NUMB: variants seen among roughly 807,000 people sequenced by gnomAD.
NUMB encodes protein numb homolog.
NUMB carries 29 observed loss-of-function variants against 59.7 expected under a neutral mutation model. The ratio of observed to expected loss-of-function variants is 0.49; its 90% confidence interval spans 0.36 to 0.66. The LOEUF (loss-of-function observed/expected upper bound fraction) is 0.66. NUMB is among the 30% of genes least tolerant of loss of function. The pLI is 0.00. For synonymous variants in NUMB, 288 were observed against 288.2 expected (o/e 1.00, Z 0.01); for missense variants, 723 against 822.0 (o/e 0.88, Z 1.47).
intron 6 of NUMB, among the ~76,000 whole-genome samples, chr14:73,310,748 T>C (rs1443957164): frequency 6.6e-6 from 1 of 152,000 alleles, no homozygotes; most frequent in Non-Finnish European, 1.5e-5. Flanking sequence ...CATAATAAAC[T>C]ATAAAGCTCT....
At position 73,290,103 on chromosome 14, in the gene NUMB, C is replaced by T. The variant is rs182906626; in HGVS notation, c.450+2631G>A. ...GGCCTAGGAGATTCAAACAGGCTGC[C>T]GGGCCACTATTTGACAACAAAATGG... On this transcript the variant is annotated intron_variant, in intron 8 of 12. Coordinates refer to ENST00000555238, the MANE Select transcript of NUMB (RefSeq NM_001005743.2). Among the ~76,000 whole-genome samples the T allele has an allele frequency of 6.6e-5, 10 of 152,258 alleles. No individual in the cohort carries two copies. The East Asian group carries it at 1.2e-3, about 18-fold the overall frequency.
intron 7 of NUMB, among the ~76,000 whole-genome samples, chr14:73,294,709 G>C (rs1889638961): frequency 6.7e-6 from 1 of 149,114 alleles, no homozygotes; most frequent in Non-Finnish European, 1.5e-5. Flanking sequence ...AGGAGAGACA[G>C]GGTTTCAGCA....
At chr14:73,447,404 C>A (rs1883597573) in intron 1 of NUMB, among the ~76,000 whole-genome samples, 1 of 152,098 alleles carries the variant, frequency 6.6e-6, no homozygotes, top group Admixed American at 6.6e-5. Context: ...AGAAGAGTCA[C>A]TTGAACCCAA....
chr14:73,446,731 C>T (rs1313732342), intron 1 of NUMB, among the ~76,000 whole-genome samples: 1 of 151,472 alleles, frequency 6.6e-6, no homozygotes, highest in Non-Finnish European at 1.5e-5. Context: ...AGACTAGCCT[C>T]GGCAGCATAA....
chr14:73,439,025 T>C (rs576488523), intron 1 of NUMB, among the ~76,000 whole-genome samples: 1 of 152,180 alleles, frequency 6.6e-6, no homozygotes, highest in Non-Finnish European at 1.5e-5. Flanking sequence ...TTAACAAATC[T>C]ATAATCAAGA....
At chr14:73,389,092 C>A (rs374174240) in intron 2 of NUMB, among the ~76,000 whole-genome samples, 1 of 105,330 alleles carries the variant, frequency 9.5e-6, no homozygotes, top group Non-Finnish European at 1.8e-5. Flanking sequence ...GAGCAAGACT[C>A]TGCCTTAAAA....
chr14:73,380,891 ATTTTTG>A (rs1488136848), intron 2 of NUMB, among the ~76,000 whole-genome samples: 1 of 151,944 alleles, frequency 6.6e-6, no homozygotes, highest in Non-Finnish European at 1.5e-5. Context: ...CACCCAGCTA[ATTTTTG>A]TATTTAGTAG....
intron 2 of NUMB, among the ~76,000 whole-genome samples, chr14:73,398,653 C>T (rs1896266617): frequency 6.6e-6 from 1 of 151,840 alleles, no homozygotes; most frequent in Non-Finnish European, 1.5e-5. Flanking sequence ...TGCCCAACCT[C>T]ACAATCAATC....
intron 2 of NUMB, among the ~76,000 whole-genome samples, chr14:73,377,410 G>A (rs974712616): frequency 1.3e-5 from 2 of 152,160 alleles, no homozygotes; most frequent in Non-Finnish European, 2.9e-5. Flanking sequence ...GCCAAGGGGG[G>A]CAGGCAGATC....
chr14:73,418,644 G>A (rs1358938412), intron 1 of NUMB, among the ~76,000 whole-genome samples: 1 of 151,994 alleles, frequency 6.6e-6, no homozygotes, highest in Admixed American at 6.6e-5. Context: ...GGTGGCACAT[G>A]CCTGTAATCC....
In NUMB at chr14:73,389,272, C is replaced by CAAAAAAAAAA. The variant is rs869074049; in HGVS notation, c.-101+20655_-101+20664dup. ...GGTTACAGAGCGAGACTCCATCTCT[C>CAAAAAAAAAA]AAAAAAAAAAAAAAAAAAAAACAAA... On this transcript the variant is annotated intron_variant, in intron 2 of 12. Transcript: ENST00000555238. 1.1e-3 allele frequency among the ~76,000 whole-genome samples: 73 copies of CAAAAAAAAAA among 66,434 alleles called. 2 individuals are homozygous for CAAAAAAAAAA. Among genetic ancestry groups the CAAAAAAAAAA allele is most frequent in the Middle Eastern group, 7.4e-3 (1 of 136 alleles). 43.6% of individuals were successfully genotyped at this position (66,434 alleles called of 152,430 possible). A position where few individuals can be genotyped will look rare whatever the true frequency, so the allele number is the denominator to read the frequency against.
chr14:73,355,066 T>C (rs1324345451), intron 4 of NUMB, among the ~76,000 whole-genome samples: 1 of 152,134 alleles, frequency 6.6e-6, no homozygotes, highest in East Asian at 1.9e-4. Context: ...TCTCAGGCAA[T>C]ACAAAGAAAA....
chr14:73,349,854 G>T (rs1478565815), intron 4 of NUMB, among the ~76,000 whole-genome samples: 1 of 151,598 alleles, frequency 6.6e-6, no homozygotes, highest in Non-Finnish European at 1.5e-5. Context: ...ACTCCAGCCT[G>T]GGGGACAGAG....
At chr14:73,436,776 C>A (rs1356678132) in intron 1 of NUMB, among the ~76,000 whole-genome samples, 3 of 151,540 alleles carry the variant, frequency 2.0e-5, no homozygotes, top group Non-Finnish European at 2.9e-5. Flanking sequence ...GTCAAGAGAT[C>A]AAGACCATCC....
At chr14:73,298,911 C>G (rs888054650) in intron 6 of NUMB, 1 of 152,024 alleles carries the variant, frequency 6.6e-6, no homozygotes, top group Admixed American at 6.6e-5. Context: ...TAAAGAATAC[C>G]GTAGGTAAAT....
At chr14:73,387,946 C>CT (rs1895637387) in intron 2 of NUMB, among the ~76,000 whole-genome samples, 1 of 127,976 alleles carries the variant, frequency 7.8e-6, no homozygotes, top group Admixed American at 8.4e-5. Flanking sequence ...AAGCAAGACT[C>CT]TGTCTCTACC....
intron 6 of NUMB, among the ~76,000 whole-genome samples, chr14:73,307,726 G>GTTT (rs1890536016): frequency 8.1e-6 from 1 of 124,082 alleles, no homozygotes. Context: ...TCGGGCCTCT[G>GTTT]TCTTTTTTTT....
At chr14:73,344,092 G>A (rs1386741807) in intron 4 of NUMB, among the ~76,000 whole-genome samples, 1 of 151,964 alleles carries the variant, frequency 6.6e-6, no homozygotes, top group Admixed American at 6.6e-5. Flanking sequence ...TAACCTAAGA[G>A]TATTACCAAC....
At chr14:73,420,876 G>GA in intron 1 of NUMB, among the ~76,000 whole-genome samples, 1 of 151,906 alleles carries the variant, frequency 6.6e-6, no homozygotes, top group East Asian at 1.9e-4. Context: ...CCTGTCTCAA[G>GA]AAAAAACACA....
Sources: allele counts gnomAD v4.1 joint callset (sites outside exome capture counted in the v4.1 genomes callset), GRCh38; gene constraint gnomAD v4.1.1; transcripts MANE v1.5; gene names NCBI Gene and HGNC (gene_info 2026-07-23, HGNC 2026-07-21).